RBFOX1: variants seen among roughly 807,000 people sequenced by gnomAD.
RBFOX1 encodes RNA binding protein fox-1 homolog 1.
A neutral mutation model predicts 57.7 loss-of-function variants in RBFOX1; 8 were observed. The observed-to-expected ratio is 0.14, with a 90% confidence interval of 0.08 to 0.25. The LOEUF is 0.25. Ranked by LOEUF, RBFOX1 falls within the 10% of genes least tolerant of loss-of-function variation. The probability of loss-of-function intolerance (pLI) is 1.00; values close to 1 mark genes in which losing one functional copy is unlikely to be tolerated. For missense variants in RBFOX1, 611 were observed against 548.5 expected, an observed-to-expected ratio of 1.11 and a Z score of -1.14; for synonymous variants, 326 against 222.4, an observed-to-expected ratio of 1.47 and a Z score of -4.15.
chr16:6,380,469 C>G (rs1309619183), intron 2 of RBFOX1, among the ~76,000 whole-genome samples: 1 of 112,378 alleles, frequency 8.9e-6, no homozygotes, highest in East Asian at 2.9e-4. Flanking sequence ...CAGCTTGGGT[C>G]TAGACACAGA....
chr16:7,015,310 C>T (rs763184678), intron 3 of RBFOX1, among the ~76,000 whole-genome samples: 30 of 152,192 alleles, frequency 2.0e-4, no homozygotes, highest in African/African-American at 5.1e-4. Context: ...TGGGATTGTT[C>T]TTCTAGACTA....
intron 3 of RBFOX1, among the ~76,000 whole-genome samples, chr16:6,985,570 G>C (rs1394178657): frequency 6.6e-6 from 1 of 152,202 alleles, no homozygotes; most frequent in Non-Finnish European, 1.5e-5. Flanking sequence ...GCTCACGCCT[G>C]TAATCCCAGC....
chr16:7,656,749 G>C (rs943749282), intron 12 of RBFOX1, among the ~76,000 whole-genome samples: 1 of 152,130 alleles, frequency 6.6e-6, no homozygotes, highest in African/African-American at 2.4e-5. Context: ...ATTTCTTCTG[G>C]TTGGGGCAGG....
intron 1 of RBFOX1, among the ~76,000 whole-genome samples, chr16:6,234,887 G>C (rs1351640679): frequency 1.3e-5 from 2 of 152,118 alleles, no homozygotes; most frequent in Non-Finnish European, 2.9e-5. Flanking sequence ...ACTAGTATCG[G>C]TTTCCTTGTT....
intron 3 of RBFOX1, among the ~76,000 whole-genome samples, chr16:5,672,447 G>A (rs1188003386): frequency 2.6e-5 from 4 of 152,090 alleles, no homozygotes; most frequent in Non-Finnish European, 5.9e-5. Flanking sequence ...TTTCTGCTAT[G>A]CTGAACCTTT....
chr16:6,393,897 C>G (rs574466349), intron 2 of RBFOX1, among the ~76,000 whole-genome samples: 2 of 152,112 alleles, frequency 1.3e-5, no homozygotes, highest in Non-Finnish European at 2.9e-5. Context: ...CTGTCCCAGG[C>G]AAACTGGGAA....
chr16:6,004,543 A>G (rs1032702288), intron 4 of RBFOX1, among the ~76,000 whole-genome samples: 1 of 152,226 alleles, frequency 6.6e-6, no homozygotes, highest in Non-Finnish European at 1.5e-5. Context: ...AATGTCCAGA[A>G]GGTTTTAATG....
intron 4 of RBFOX1, among the ~76,000 whole-genome samples, chr16:7,455,807 AAAAG>A (rs935348045): frequency 2.0e-5 from 3 of 151,840 alleles, no homozygotes; most frequent in African/African-American, 7.3e-5. Context: ...AAAAAGAAAA[AAAAG>A]AAAAAAAAAA....
intron 1 of RBFOX1, among the ~76,000 whole-genome samples, chr16:5,292,563 A>G (rs2063561076): frequency 6.6e-6 from 1 of 152,154 alleles, no homozygotes; most frequent in Non-Finnish European, 1.5e-5. Context: ...CACCGTCACC[A>G]TCACTCCCCC....
intron 3 of RBFOX1, among the ~76,000 whole-genome samples, chr16:6,779,528 T>C (rs2079979302): frequency 6.6e-6 from 1 of 150,914 alleles, no homozygotes; most frequent in South Asian, 2.1e-4. Flanking sequence ...TTTGAATATA[T>C]ACCCAACAGT....
At chr16:6,412,368 G>C (rs2093486513) in intron 2 of RBFOX1, among the ~76,000 whole-genome samples, 1 of 152,110 alleles carries the variant, frequency 6.6e-6, no homozygotes, top group Non-Finnish European at 1.5e-5. Flanking sequence ...TTGGATTTCA[G>C]TCTTCCGTTT....
intron 2 of RBFOX1, among the ~76,000 whole-genome samples, chr16:6,509,687 T>G (rs1002994942): frequency 1.3e-5 from 2 of 152,176 alleles, no homozygotes; most frequent in East Asian, 3.9e-4. Flanking sequence ...TAAAAGAGTA[T>G]AATCGGATTG....
chr16:7,220,953 G>A (rs2092682782), intron 4 of RBFOX1, among the ~76,000 whole-genome samples: 1 of 152,090 alleles, frequency 6.6e-6, no homozygotes, highest in South Asian at 2.1e-4. Context: ...TTCAAAGACT[G>A]ATGAGAAAGG....
rs980390262 is a variant in RBFOX1, at chr16:7,137,746, A to G, written c.27+85648A>G. On this transcript the variant is annotated intron_variant, in intron 4 of 15. Coordinates refer to ENST00000550418, the MANE Select transcript of RBFOX1 (RefSeq NM_018723.4). ...AGGAATAATGGTGGTAAACTCGAAC[A>G]CATAACATTATGCAACAGTCCCTAC... is the stretch of plus-strand genomic sequence containing the variant. Among the ~76,000 whole-genome samples the G allele has an allele frequency of 4.6e-5, 7 of 152,314 alleles. No individual in the cohort carries two copies. The South Asian group carries it at 1.0e-3, about 23-fold the overall frequency.
At chr16:6,035,682 T>C (rs1238235370) in intron 1 of RBFOX1, among the ~76,000 whole-genome samples, 5 of 152,120 alleles carry the variant, frequency 3.3e-5, no homozygotes, top group Admixed American at 2.0e-4. Flanking sequence ...TCAATTCTTT[T>C]CCCCCCTCAT....
intron 2 of RBFOX1, among the ~76,000 whole-genome samples, chr16:5,561,255 C>A (rs920060410): frequency 6.6e-6 from 1 of 151,302 alleles, no homozygotes; most frequent in Non-Finnish European, 1.5e-5. Context: ...ATGGTTAAAA[C>A]CAACTTTCTT....
intron 4 of RBFOX1, among the ~76,000 whole-genome samples, chr16:7,363,151 A>G (rs1199121980): frequency 6.6e-6 from 1 of 152,094 alleles, no homozygotes; most frequent in Non-Finnish European, 1.5e-5. Flanking sequence ...TGCTATTTTC[A>G]TTATGAGAGG....
intron 3 of RBFOX1, among the ~76,000 whole-genome samples, chr16:6,975,867 C>G (rs993063876): frequency 6.6e-6 from 1 of 152,062 alleles, no homozygotes; most frequent in Non-Finnish European, 1.5e-5. Flanking sequence ...TGGTGCACAC[C>G]TGTAATCGCA....
At chr16:6,511,242 C>T (rs549742404) in intron 2 of RBFOX1, among the ~76,000 whole-genome samples, 3 of 152,240 alleles carry the variant, frequency 2.0e-5, no homozygotes, top group African/African-American at 4.8e-5. Flanking sequence ...TGTGTTGGTG[C>T]CCCCATAAAA....
Sources: allele counts gnomAD v4.1 joint callset (sites outside exome capture counted in the v4.1 genomes callset), GRCh38; gene constraint gnomAD v4.1.1; transcripts MANE v1.5; gene names NCBI Gene and HGNC (gene_info 2026-07-23, HGNC 2026-07-21).